PCNX2: variants seen among roughly 807,000 people sequenced by gnomAD.
The protein encoded by PCNX2 is pecanex-like protein 2.
PCNX2 carries 168 observed loss-of-function variants against 223.8 expected under a neutral mutation model. The observed-to-expected ratio is 0.75, with a 90% CI of 0.66 to 0.85. PCNX2 has a LOEUF of 0.85. Ranked by LOEUF, PCNX2 falls within the 40% of genes least tolerant of loss-of-function variation. The pLI is 0.00. For missense variants in PCNX2, 2,507 were observed against 2,675.5 expected, an observed-to-expected ratio of 0.94 and a Z score of 1.39; for synonymous variants, 1,006 against 1,052.6, an observed-to-expected ratio of 0.96 and a Z score of 0.86.
rs754002977 is a variant in PCNX2, at chr1:232,984,316, T to C, written c.6402A>G (p.Ser2134=). ...GGCCGCACGCCCGTCACTGCTCGTC[T>C]GACACACTTTGCTGCGAGGCCGTGT... ...LDDTASQQSV[S]DEQ The change falls in exon 34 of 34, where the codon TCA becomes TCG. Residue 2134 remains serine (S), a synonymous_variant. Coordinates refer to ENST00000258229, the MANE Select transcript of PCNX2 (RefSeq NM_014801.4). 16 of 1,607,782 alleles carry C rather than the reference T, an allele frequency of 1.0e-5. No homozygotes were observed. The highest frequency in any genetic ancestry group is 1.3e-5 in the Non-Finnish European group (15 of 1,177,492).
chr1:233,295,695 G>A lies in PCNX2; in HGVS notation c.-217C>T, dbSNP rs1662052164. 9.0e-6 allele frequency: 4 copies of A among 444,050 alleles called. No individual in the cohort carries two copies. The highest frequency in any genetic ancestry group is 1.1e-5 in the Non-Finnish European group (3 of 272,846). The allele number at this position is 444,050 out of a possible 1,614,324, so 27.5% of individuals were successfully genotyped here. ...CGCGGCGCCGGAGCCGGCTGCTGCG[G>A]CCGGGCAGGTGAGCGCCATGTCCGA... is the stretch of plus-strand genomic sequence containing the variant. On this transcript the variant is annotated 5_prime_UTR_variant, in exon 1 of 34. Coordinates refer to ENST00000258229, the MANE Select transcript of PCNX2 (RefSeq NM_014801.4). This position sits in a 1 kb window ranked among gnomAD's most constrained non-coding sequence, Gnocchi z 4.1.
At chr1:233,271,996 T>C (rs1660662375) in intron 1 of PCNX2, among the ~76,000 whole-genome samples, 1 of 152,158 alleles carries the variant, frequency 6.6e-6, no homozygotes, top group African/African-American at 2.4e-5. Flanking sequence ...GATTGTCTTT[T>C]CAAGTACTGT....
At chr1:233,008,562 G>T (rs1372396762) in intron 28 of PCNX2, among the ~76,000 whole-genome samples, 1 of 152,180 alleles carries the variant, frequency 6.6e-6, no homozygotes, top group Non-Finnish European at 1.5e-5. Context: ...TGCACAAGTG[G>T]GGTCTGCAGA....
chr1:233,184,689 T>C (rs997012192), intron 15 of PCNX2, among the ~76,000 whole-genome samples: 1 of 152,168 alleles, frequency 6.6e-6, no homozygotes, highest in Non-Finnish European at 1.5e-5. Context: ...TTCCATTACA[T>C]ATGATTTCTT....
the PCNX2 span, among the ~76,000 whole-genome samples, chr1:233,313,419 G>A: frequency 7.9e-5 from 12 of 152,160 alleles, no homozygotes; most frequent in African/African-American, 2.9e-4. Context: ...CAGAGAACCA[G>A]GAAGTGGTAT....
In PCNX2 at chr1:233,032,069, A is replaced by G. The variant is rs1671287462; in HGVS notation, c.4352-6670T>C. ...TAATTTAGGAAGAAATTCTCTTCCAATGGAGGAAATAAGACAGTTTTCTTT... is the reference window on the plus strand; with the variant it reads ...TAATTTAGGAAGAAATTCTCTTCCAGTGGAGGAAATAAGACAGTTTTCTTT... On this transcript the variant is annotated intron_variant, in intron 25 of 33. Coordinates refer to ENST00000258229, the MANE Select transcript of PCNX2 (RefSeq NM_014801.4). The G allele has an allele frequency of 4.2e-6, 4 of 961,596 alleles. No individual in the cohort carries two copies. The African/African-American group carries it at 5.6e-5, about 13-fold the overall frequency. The allele number at this position is 961,596 out of a possible 1,614,324, so 59.6% of individuals were successfully genotyped here.
In PCNX2 at chr1:233,208,521, T is replaced by C; in HGVS notation, c.2860A>G (p.Ile954Val). 3.7e-6 allele frequency: 6 copies of C among 1,612,994 alleles called. No homozygotes were observed. The highest frequency in any genetic ancestry group is 5.1e-6 in the Non-Finnish European group (6 of 1,179,172). The part of the protein sequence containing the change: ...VFLQSARDYL[I>V]VFLYCFPAIS... The stretch of plus-strand genomic sequence containing the variant: ...CACAACCCCATAATTAACTCACCTA[T>C]TAAGTAGTCCCTAGCTGATTGTAGA... Residue 954 changes from isoleucine to valine, a missense_variant, in exon 13 of 34, where the codon ATA becomes GTA. Around this residue, in one of 3 missense-constraint regions of PCNX2, gnomAD observed 104 missense variants for 144.4 expected, o/e 0.72. Coordinates refer to ENST00000258229, the MANE Select transcript of PCNX2 (RefSeq NM_014801.4).
intron 21 of PCNX2, among the ~76,000 whole-genome samples, chr1:233,118,239 CTAGA>C (rs1209456041): frequency 6.6e-6 from 1 of 152,000 alleles, no homozygotes; most frequent in East Asian, 1.9e-4. Context: ...ACTTTCTCTA[CTAGA>C]TAAAGACCTA....
intron 15 of PCNX2, among the ~76,000 whole-genome samples, chr1:233,180,285 C>T (rs568826081): frequency 2.0e-5 from 3 of 152,264 alleles, no homozygotes; most frequent in East Asian, 1.9e-4. Flanking sequence ...ACATTGTATT[C>T]GGCCTGGCAG....
intron 17 of PCNX2, among the ~76,000 whole-genome samples, chr1:233,163,238 C>T (rs932700104): frequency 2.6e-5 from 4 of 152,108 alleles, no homozygotes; most frequent in Non-Finnish European, 4.4e-5. Context: ...GTAATCCCAG[C>T]ACTTTAGGAG....
At chr1:233,080,783 G>C (rs1260074191) in intron 23 of PCNX2, among the ~76,000 whole-genome samples, 1 of 152,126 alleles carries the variant, frequency 6.6e-6, no homozygotes, top group Non-Finnish European at 1.5e-5. Context: ...GAATCTGGGG[G>C]AGAAGGGACC....
At chr1:233,132,327 C>T (rs1408711512) in intron 21 of PCNX2, among the ~76,000 whole-genome samples, 1 of 152,308 alleles carries the variant, frequency 6.6e-6, no homozygotes, top group South Asian at 2.1e-4. Context: ...AGTGTCTGCA[C>T]CGACTAGAAG....
intron 12 of PCNX2, 112 bp from the exon 13 acceptor site, chr1:233,208,801 T>TC: frequency 3.2e-6 from 1 of 312,230 alleles, no homozygotes; most frequent in East Asian, 1.1e-4. Flanking sequence ...TAACACATTT[T>TC]CCCCCAAACA....
intron 17 of PCNX2, among the ~76,000 whole-genome samples, chr1:233,169,644 C>CAAAAAAAAAAAAAAAAA (rs200439765): frequency 1.1e-3 from 74 of 68,752 alleles, no homozygotes; most frequent in African/African-American, 4.1e-3. Context: ...AACTCCGTCT[C>CAAAAAAAAAAAAAAAAA]AAAAAAAAAA....
chr1:233,139,408 C>T lies in PCNX2; in HGVS notation c.3659+306G>A, dbSNP rs992913507. ...TGTTAAGAACTCCAGGAATCCTGGA[C>T]TCACACTGTGCTTCCGTCTTCTTAT... is the stretch of plus-strand genomic sequence containing the variant. On this transcript the variant is annotated intron_variant, in intron 20 of 33. Coordinates refer to ENST00000258229, the MANE Select transcript of PCNX2 (RefSeq NM_014801.4). This position sits in a 1 kb window ranked among gnomAD's most constrained non-coding sequence, Gnocchi z 4.4. Among the ~76,000 whole-genome samples the T allele has an allele frequency of 6.6e-5, 10 of 152,202 alleles. No individual in the cohort carries two copies. The highest frequency in any genetic ancestry group is 1.3e-4 in the Non-Finnish European group (9 of 68,038).
intron 8 of PCNX2, among the ~76,000 whole-genome samples, chr1:233,239,252 C>T (rs573778822): frequency 4.1e-4 from 62 of 152,246 alleles, no homozygotes; most frequent in African/African-American, 1.2e-3. Context: ...CCCTCTATCG[C>T]CAACTGAAAT....
chr1:233,087,391 G>T (rs965094464), intron 23 of PCNX2, among the ~76,000 whole-genome samples: 4 of 152,108 alleles, frequency 2.6e-5, no homozygotes, highest in African/African-American at 9.7e-5. Flanking sequence ...GTCTTTTCAG[G>T]CGGCCCTTTT....
intron 25 of PCNX2, among the ~76,000 whole-genome samples, chr1:233,044,583 C>T (rs369608118): frequency 1.4e-5 from 2 of 142,294 alleles, no homozygotes; most frequent in Non-Finnish European, 3.0e-5. Context: ...TGTTTTCTTA[C>T]GTTAACAAGA....
chr1:233,016,812 C>T lies in PCNX2; in HGVS notation c.4839+109G>A, dbSNP rs1670680624. 8 of 1,465,232 alleles carry T rather than the reference C, an allele frequency of 5.5e-6. No individual in the cohort carries two copies. The Admixed American group carries it at 9.7e-5, about 18-fold the overall frequency. The allele number at this position is 1,465,232 out of a possible 1,614,324, so 90.8% of individuals were successfully genotyped here. On this transcript the variant is annotated intron_variant, in intron 27 of 33. Coordinates refer to ENST00000258229, the MANE Select transcript of PCNX2 (RefSeq NM_014801.4). ...TGTCCAAATAGTGCTTTTTTTCTAT[C>T]CTCTATGTTAAAAGTCTACCATAGA...
Sources: allele counts gnomAD v4.1 joint callset (sites outside exome capture counted in the v4.1 genomes callset), GRCh38; gene constraint gnomAD v4.1.1; regional missense constraint gnomAD v4.1.1; non-coding constraint Gnocchi (gnomAD v3.1); transcripts MANE v1.5; gene names NCBI Gene and HGNC (gene_info 2026-07-23, HGNC 2026-07-21).